ADAMTSL3: variants seen among roughly 807,000 people sequenced by gnomAD.
The protein encoded by ADAMTSL3 is ADAMTS like 3, also known as ADAMTS-like protein 3.
Under a neutral mutation model 201.7 loss-of-function variants are expected in ADAMTSL3, and 128 were observed. The observed-to-expected ratio is 0.63, with a 90% confidence interval of 0.55 to 0.73. The LOEUF (loss-of-function observed/expected upper bound fraction) is 0.73, where lower values mean the gene tolerates loss of function less well. Among genes scored for constraint, ADAMTSL3 ranks in the 30% least tolerant of loss-of-function variants. The pLI, the probability that ADAMTSL3 is intolerant of heterozygous loss-of-function variation, is 0.00. For missense variants in ADAMTSL3, 1,990 were observed against 2,119.6 expected (o/e 0.94, Z 1.20); for synonymous variants, 738 against 748.4 (o/e 0.99, Z 0.23).
chr15:83,845,649 T>C (rs1446034149), intron 7 of ADAMTSL3, among the ~76,000 whole-genome samples: 1 of 152,118 alleles, frequency 6.6e-6, no homozygotes, highest in Non-Finnish European at 1.5e-5. Flanking sequence ...AAAAAATAGA[T>C]CTTAGGATTG....
chr15:83,681,301 T>C (rs2061473255), intron 2 of ADAMTSL3, among the ~76,000 whole-genome samples: 1 of 152,216 alleles, frequency 6.6e-6, no homozygotes, highest in Non-Finnish European at 1.5e-5. Flanking sequence ...TGTGGCAAAT[T>C]GGGTGCTTGA....
At position 83,804,687 on chromosome 15, in the gene ADAMTSL3, A is replaced by T. The variant is rs2063576764; in HGVS notation, c.355A>T (p.Ser119Cys). 2 of 1,583,566 alleles carry T rather than the reference A, an allele frequency of 1.3e-6. No homozygotes were observed. The highest frequency in any genetic ancestry group is 1.7e-6 in the Non-Finnish European group (2 of 1,167,364). ...GCAGAACATTCGGTACAAGACATGC[A>T]GCAATCATGTAAGTCATAAAATAAA... ...EGQNIRYKTCSNHDCPPDAED... is the reference protein window; with the variant it reads ...EGQNIRYKTCCNHDCPPDAED... Residue 119 changes from serine to cysteine, a missense_variant, in exon 5 of 30, where the codon AGC (serine) becomes TGC (cysteine). Physicochemically the swap from Ser to Cys is moderately radical, Grantham distance 112. Transcript: ENST00000286744.
chr15:83,922,663 A>T (rs545708176), intron 16 of ADAMTSL3, among the ~76,000 whole-genome samples: 61 of 152,344 alleles, frequency 4.0e-4, no homozygotes, highest in African/African-American at 1.4e-3. Context: ...TTAATACTGC[A>T]TCCTGCCATG....
At chr15:83,858,723 T>C in intron 7 of ADAMTSL3, 43 bp from the exon 8 acceptor site, 1 of 1,487,770 alleles carries the variant, frequency 6.7e-7, no homozygotes, top group Non-Finnish European at 9.3e-7. Flanking sequence ...CATGGGCCTT[T>C]AGTGTACTGG....
chr15:83,819,912 T>C lies in ADAMTSL3; in HGVS notation c.465T>C (p.Asn155=). Residue 155 remains asparagine, a synonymous_variant, in exon 6 of 30, where the codon AAT becomes AAC. Transcript: ENST00000286744. ...ACTATGAATGGCTTCCACGATATAA[T>C]GATCCTGCTGCCCCGTGTGCACTCA... ...GHYYEWLPRY[N]DPAAPCALKC... is the part of the protein sequence containing the mutation. 6.2e-7 allele frequency: 1 copy of C among 1,614,138 alleles called. No individual in the cohort carries two copies. The highest frequency in any genetic ancestry group is 1.7e-5 in the Admixed American group (1 of 60,020).
chr15:83,917,824 C>A (rs1368807698), intron 16 of ADAMTSL3, among the ~76,000 whole-genome samples: 3 of 152,032 alleles, frequency 2.0e-5, no homozygotes, highest in Non-Finnish European at 4.4e-5. Flanking sequence ...AGGAGTCATA[C>A]CTACCTCATT....
rs1189129439 is a variant in ADAMTSL3 at position 83,804,698 on chromosome 15, A to G, written c.363+3A>G. The stretch of plus-strand genomic sequence containing the variant: ...GGTACAAGACATGCAGCAATCATGT[A>G]AGTCATAAAATAAAATTATTTTATC... On this transcript the variant is annotated splice_donor_region_variant and intron_variant, in intron 5 of 29. Coordinates refer to ENST00000286744, the MANE Select transcript of ADAMTSL3 (RefSeq NM_207517.3). The G allele has an allele frequency of 3.2e-6, 5 of 1,578,678 alleles. No individual in the cohort carries two copies. Among genetic ancestry groups the G allele is most frequent in the Non-Finnish European group, 4.3e-6 (5 of 1,163,778 alleles).
rs761235041 is a variant in ADAMTSL3, at chr15:84,031,334, G to A, written c.4657-1G>A. On this transcript the variant is annotated splice_acceptor_variant, in intron 27 of 29. Transcript: ENST00000286744. LOFTEE classifies it high-confidence loss of function. The stretch of plus-strand genomic sequence containing the variant: ...CACTGCACTGTGCTTTTTTGTTCCA[G>A]TGTCCTGGACGTTGCATGGGCCGTG... 1 of 1,613,540 alleles carries A rather than the reference G, an allele frequency of 6.2e-7. No individual in the cohort carries two copies. The highest frequency in any genetic ancestry group is 1.1e-5 in the South Asian group (1 of 91,034).
At chr15:83,783,865 G>GTGTGTGTC (rs1490403799) in intron 4 of ADAMTSL3, among the ~76,000 whole-genome samples, 4 of 151,626 alleles carry the variant, frequency 2.6e-5, no homozygotes, top group Middle Eastern at 3.2e-3. Flanking sequence ...GTGTGTGTGT[G>GTGTGTGTC]TCTCCACATT....
intron 2 of ADAMTSL3, among the ~76,000 whole-genome samples, chr15:83,658,938 T>C (rs1157131045): frequency 6.6e-6 from 1 of 152,208 alleles, no homozygotes; most frequent in Non-Finnish European, 1.5e-5. Context: ...ATAGGATGGC[T>C]TCCTAGCTCT....
At chr15:83,824,639 C>T (rs1190695939) in intron 6 of ADAMTSL3, among the ~76,000 whole-genome samples, 10 of 152,146 alleles carry the variant, frequency 6.6e-5, no homozygotes, top group Admixed American at 6.6e-4. Flanking sequence ...GCTCTTTCAT[C>T]CCTCTCTCCT....
chr15:83,844,151 C>G (rs1162323001), intron 7 of ADAMTSL3, among the ~76,000 whole-genome samples: 1 of 152,150 alleles, frequency 6.6e-6, no homozygotes, highest in Non-Finnish European at 1.5e-5. Flanking sequence ...GCTTTTTGTC[C>G]ATTTTTACAT....
At chr15:83,786,218 C>T (rs889595261) in intron 4 of ADAMTSL3, among the ~76,000 whole-genome samples, 3 of 152,152 alleles carry the variant, frequency 2.0e-5, no homozygotes, top group African/African-American at 7.2e-5. Context: ...CTCAAGTGAT[C>T]CACAGTCCTC....
chr15:83,883,991 C>T (rs758815268), intron 9 of ADAMTSL3, among the ~76,000 whole-genome samples: 4 of 152,008 alleles, frequency 2.6e-5, no homozygotes, highest in East Asian at 1.9e-4. Flanking sequence ...CTCCCGGGTT[C>T]GAGCTATTCT....
chr15:83,785,301 G>A (rs2063243514), intron 4 of ADAMTSL3, among the ~76,000 whole-genome samples: 1 of 152,096 alleles, frequency 6.6e-6, no homozygotes, highest in Admixed American at 6.5e-5. Flanking sequence ...AAAAGTTGTA[G>A]GTCTTATACT....
chr15:83,786,774 C>G (rs1419006791), intron 4 of ADAMTSL3, among the ~76,000 whole-genome samples: 1 of 152,104 alleles, frequency 6.6e-6, no homozygotes, highest in East Asian at 1.9e-4. Context: ...GGAAGCCTAT[C>G]TTGACTGGTT....
intron 3 of ADAMTSL3, among the ~76,000 whole-genome samples, chr15:83,763,497 C>T (rs915543996): frequency 1.3e-5 from 2 of 149,206 alleles, no homozygotes; most frequent in African/African-American, 5.0e-5. Context: ...TAAACCTTAA[C>T]AAATAATTCT....
At chr15:83,930,768 C>CA (rs2066340559) in intron 17 of ADAMTSL3, among the ~76,000 whole-genome samples, 1 of 152,096 alleles carries the variant, frequency 6.6e-6, no homozygotes, top group African/African-American at 2.4e-5. Context: ...CCAGCAGAGA[C>CA]AAAGATTTGA....
rs768618605 is a variant in ADAMTSL3 at position 83,804,614 on chromosome 15, C to T, written c.318-36C>T. On this transcript the variant is annotated intron_variant, in intron 4 of 29. Transcript: ENST00000286744. ...TTAATGCTTGCCTCTTCTATGAAAT[C>T]ATTATTTCTTCTTTCTTCTTTCTTT... is the stretch of plus-strand genomic sequence containing the variant. The T allele has an allele frequency of 6.5e-6, 7 of 1,077,920 alleles. No homozygotes were observed. The African/African-American group carries it at 1.0e-4, about 16-fold the overall frequency. 66.8% of individuals were successfully genotyped at this position (1,077,920 alleles called of 1,614,324 possible).
Sources: gnomAD v4.1 joint callset for allele counts (sites outside exome capture counted in the v4.1 genomes callset) on GRCh38, gnomAD v4.1.1 for gene constraint, MANE v1.5 for transcripts, NCBI Gene and HGNC (gene_info 2026-07-23, HGNC 2026-07-21) for gene names.